ALDH2: variants seen among roughly 807,000 people sequenced by gnomAD.
The protein encoded by ALDH2 is aldehyde dehydrogenase 2 family member.
A neutral mutation model predicts 59.6 loss-of-function variants in ALDH2; 44 were observed. The observed-to-expected ratio is 0.74, with a 90% CI of 0.58 to 0.95. ALDH2 has a LOEUF of 0.95. ALDH2 is among the 40% of genes least tolerant of loss of function. The pLI, the probability that ALDH2 is intolerant of heterozygous loss-of-function variation, is 0.00. For missense variants in ALDH2, 570 were observed against 696.3 expected, an observed-to-expected ratio of 0.82 and a Z score of 2.04; for synonymous variants, 291 against 284.0, an observed-to-expected ratio of 1.02 and a Z score of -0.25.
At position 111,800,064 on chromosome 12, in the gene ALDH2, G is replaced by A. The variant is rs1178318613; in HGVS notation, c.1406+1G>A. ...AGGCCCTCCAGGCGGGCACTGTGTG[G>A]TAAGAGCCTCCCAGCAGCCCCTCAC... On this transcript the variant is annotated splice_donor_variant, in intron 11 of 12. Coordinates refer to ENST00000261733, the MANE Select transcript of ALDH2 (RefSeq NM_000690.4). LOFTEE classifies it high-confidence loss of function. The A allele has an allele frequency of 6.2e-7, 1 of 1,609,956 alleles. No homozygotes were observed. Among genetic ancestry groups the A allele is most frequent in the South Asian group, 1.1e-5 (1 of 90,596 alleles).
At position 111,812,563 on chromosome 12, in the gene ALDH2, G is replaced by C. The variant is rs1361370710; in HGVS notation, c.*2988G>C. The C allele has an allele frequency of 6.6e-6, 1 of 152,066 alleles. No individual in the cohort carries two copies. The highest frequency in any genetic ancestry group is 6.6e-5 in the Admixed American group (1 of 15,262). The allele number at this position is 152,066 out of a possible 1,614,324, so 9.4% of individuals were successfully genotyped here. A position where few individuals can be genotyped will look rare whatever the true frequency, so the allele number is the denominator to read the frequency against. ...TATTACTTCTAGGAAGATTTTCTATGTATGGAGGGTGCATCATTTAAGAGT... is the reference window on the plus strand; with the variant it reads ...TATTACTTCTAGGAAGATTTTCTATCTATGGAGGGTGCATCATTTAAGAGT... On this transcript the variant is annotated 3_prime_UTR_variant, in exon 13 of 13. Transcript: ENST00000261733.
At chr12:111,770,350 A>T (rs531776861) in intron 1 of ALDH2, among the ~76,000 whole-genome samples, 1 of 152,332 alleles carries the variant, frequency 6.6e-6, no homozygotes, top group East Asian at 1.9e-4. Flanking sequence ...TCCATTTGAT[A>T]TGGATGCTGT....
chr12:111,792,331 GT>G (rs1217088511), intron 8 of ALDH2, among the ~76,000 whole-genome samples, 168 bp downstream of exon 8: 1 of 152,228 alleles, frequency 6.6e-6, no homozygotes, highest in African/African-American at 2.4e-5. Flanking sequence ...GCCTTGGCCT[GT>G]CCCCAGCCTC....
chr12:111,790,457 A>C lies in ALDH2; in HGVS notation c.576A>C (p.Gln192His). ...AGTGGAATTTCCCGCTCCTGATGCA[A>C]GCATGGAAGCTGGGCCCAGCCTTGG... is the stretch of plus-strand genomic sequence containing the variant. ...IIPWNFPLLM[Q>H]AWKLGPALAT... Residue 192 changes from glutamine to histidine, a missense_variant, in exon 6 of 13, where the codon CAA becomes CAC. Physicochemically the swap from Gln to His is conservative, Grantham distance 24. Transcript: ENST00000261733. 2 of 1,614,100 alleles carry C rather than the reference A, an allele frequency of 1.2e-6. No individual in the cohort carries two copies. Among genetic ancestry groups the C allele is most frequent in the Non-Finnish European group, 1.7e-6 (2 of 1,180,018 alleles).
intron 6 of ALDH2, 119 bp downstream of exon 6, chr12:111,790,681 C>A: frequency 7.3e-7 from 1 of 1,364,574 alleles, no homozygotes. Context: ...GAGCCCCCAT[C>A]ACCATGTGAA....
At chr12:111,806,276 C>T (rs1166138954) in intron 12 of ALDH2, among the ~76,000 whole-genome samples, 1 of 151,244 alleles carries the variant, frequency 6.6e-6, no homozygotes, top group Non-Finnish European at 1.5e-5. Context: ...AAGATCGCAC[C>T]ACTGCACTCC....
At chr12:111,780,203 T>G (rs1338850201) in intron 1 of ALDH2, among the ~76,000 whole-genome samples, 1 of 152,164 alleles carries the variant, frequency 6.6e-6, no homozygotes. Context: ...CGCACTTTAA[T>G]AGGTGACTTT....
chr12:111,808,811 A>G (rs1177233975), intron 12 of ALDH2, among the ~76,000 whole-genome samples: 1 of 152,058 alleles, frequency 6.6e-6, no homozygotes, highest in Non-Finnish European at 1.5e-5. Flanking sequence ...AAGGAGAAAG[A>G]TGGTGGTTTG....
intron 1 of ALDH2, among the ~76,000 whole-genome samples, chr12:111,772,324 A>G (rs2068205135): frequency 1.3e-5 from 2 of 152,006 alleles, no homozygotes; most frequent in Non-Finnish European, 2.9e-5. Context: ...GAATCTCCCT[A>G]TTGATTGTAC....
At chr12:111,778,500 G>A (rs1408175999) in intron 1 of ALDH2, among the ~76,000 whole-genome samples, 4 of 150,254 alleles carry the variant, frequency 2.7e-5, no homozygotes, top group Non-Finnish European at 4.4e-5. Context: ...AGCCGGGATC[G>A]CTCCATTGCA....
chr12:111,781,899 T>G lies in ALDH2; in HGVS notation c.115-19T>G. ...AGGTTGACAGCTGGTCCTGAGAACT[T>G]CTTTCCTTCTCATTGTAGATTTTCA... On this transcript the variant is annotated intron_variant, in intron 1 of 12. Transcript: ENST00000261733. The G allele has an allele frequency of 6.3e-7, 1 of 1,596,108 alleles. No homozygotes were observed. Among genetic ancestry groups the G allele is most frequent in the Non-Finnish European group, 8.6e-7 (1 of 1,164,144 alleles).
At chr12:111,775,525 C>T in intron 1 of ALDH2, 1 of 387,690 alleles carries the variant, frequency 2.6e-6, no homozygotes, top group South Asian at 1.9e-5. Context: ...CCAATTTTTA[C>T]AAAACAAAGT....
chr12:111,798,029 A>G, intron 9 of ALDH2, 49 bp from the exon 10 acceptor site: 2 of 1,609,826 alleles, frequency 1.2e-6, no homozygotes, highest in Non-Finnish European at 1.7e-6. Flanking sequence ...GAAGCCTAGG[A>G]GAGGTCTGAA....
intron 4 of ALDH2, among the ~76,000 whole-genome samples, chr12:111,787,239 A>G (rs145195569): frequency 1.3e-5 from 2 of 152,058 alleles, no homozygotes; most frequent in Admixed American, 1.3e-4. Flanking sequence ...AAATTCACTG[A>G]GCCCAACTTA....
In ALDH2 at chr12:111,817,527, C is replaced by T. The variant is rs942927475; in HGVS notation, c.*7952C>T. ...AGACATAAGGATTAAAAAGACAAAC[C>T]ATAAATTGAGTGGTGATATTCTTTA... On this transcript the variant is annotated 3_prime_UTR_variant, in exon 13 of 13. Transcript: ENST00000261733. 5.3e-5 allele frequency: 8 copies of T among 152,138 alleles called. No individual in the cohort carries two copies. Among genetic ancestry groups the T allele is most frequent in the African/African-American group, 1.7e-4 (7 of 41,430 alleles). 9.4% of individuals were successfully genotyped at this position (152,138 alleles called of 1,614,324 possible).
intron 1 of ALDH2, among the ~76,000 whole-genome samples, chr12:111,768,605 G>A (rs916069475): frequency 5.9e-5 from 9 of 152,206 alleles, no homozygotes; most frequent in Admixed American, 6.5e-5. Context: ...TTGGGAGGCC[G>A]AGGTGGGATG....
intron 1 of ALDH2, among the ~76,000 whole-genome samples, chr12:111,773,898 T>C (rs2068218474): frequency 6.6e-6 from 1 of 152,188 alleles, no homozygotes; most frequent in South Asian, 2.1e-4. Context: ...TACAGTTTTG[T>C]GCTCCAGAAG....
chr12:111,775,526 A>G, intron 1 of ALDH2: 1 of 390,528 alleles, frequency 2.6e-6, no homozygotes, highest in Non-Finnish European at 5.1e-6. Context: ...CAATTTTTAC[A>G]AAACAAAGTG....
chr12:111,809,677 G>T lies in ALDH2; in HGVS notation c.*102G>T. On this transcript the variant is annotated 3_prime_UTR_variant, in exon 13 of 13. Transcript: ENST00000261733. ...CTTGCGTGCTGAATATCTGAAAAGA[G>T]AAATTTTTCCTACAAAATCTCTTGG... 7.5e-7 allele frequency: 1 copy of T among 1,334,064 alleles called. No individual in the cohort carries two copies. The highest frequency in any genetic ancestry group is 1.5e-5 in the African/African-American group (1 of 68,652). 82.6% of individuals were successfully genotyped at this position (1,334,064 alleles called of 1,614,324 possible). A position where few individuals can be genotyped will look rare whatever the true frequency, so the allele number is the denominator to read the frequency against.
Sources: gnomAD v4.1 joint callset for allele counts (sites outside exome capture counted in the v4.1 genomes callset) on GRCh38, gnomAD v4.1.1 for gene constraint, MANE v1.5 for transcripts, NCBI Gene and HGNC (gene_info 2026-07-23, HGNC 2026-07-21) for gene names.